The following FAM53B variants were observed in gnomAD, a reference collection of about 807,000 sequenced individuals.
The protein encoded by FAM53B is family with sequence similarity 53 member B.
FAM53B carries 12 observed loss-of-function variants against 32.7 expected under a neutral mutation model. The ratio of observed to expected loss-of-function variants is 0.37; its 90% confidence interval spans 0.24 to 0.59. The LOEUF (loss-of-function observed/expected upper bound fraction) is 0.59, where lower values mean the gene tolerates loss of function less well. Among genes scored for constraint, FAM53B ranks in the 20% least tolerant of loss-of-function variants. FAM53B has a pLI of 0.72. For synonymous variants in FAM53B, 234 were observed against 228.7 expected (o/e 1.02, Z -0.21); for missense variants, 477 against 577.7 (o/e 0.83, Z 1.79).
chr10:124,718,808 C>A (rs1488577740), intron 1 of FAM53B, among the ~76,000 whole-genome samples: 1 of 152,256 alleles, frequency 6.6e-6, no homozygotes, highest in Non-Finnish European at 1.5e-5. Context: ...TGCACTTGGG[C>A]AGGCTGACGC....
At chr10:124,686,010 G>T (rs1949800276) in intron 3 of FAM53B, among the ~76,000 whole-genome samples, 1 of 152,130 alleles carries the variant, frequency 6.6e-6, no homozygotes, top group Non-Finnish European at 1.5e-5. Context: ...TACACTCCAG[G>T]TATCAAACCT....
rs1199146660 is a variant in FAM53B, at chr10:124,744,104, G to A, written c.-266C>T. On this transcript the variant is annotated 5_prime_UTR_variant, in exon 1 of 5. Coordinates refer to ENST00000337318, the MANE Select transcript of FAM53B (RefSeq NM_014661.4). ...GGGGTGCCCGCCGCGCGTCCGCCGC[G>A]CGCACGCTCGCCTGCCGGCGCCGAG... The A allele has an allele frequency of 6.8e-6, 1 of 147,024 alleles. No homozygotes were observed. The highest frequency in any genetic ancestry group is 1.5e-5 in the Non-Finnish European group (1 of 65,994). The allele number at this position is 147,024 out of a possible 1,614,324, so 9.1% of individuals were successfully genotyped here.
Position 124,738,206 on chromosome 10 carries a change from G to A in FAM53B, c.-175+5807C>T, listed in dbSNP as rs111888790. On this transcript the variant is annotated intron_variant, in intron 1 of 4. Coordinates refer to ENST00000337318, the MANE Select transcript of FAM53B (RefSeq NM_014661.4). ...AATAGGGAAACTAAGGAACCGACCC[G>A]TAGGTATGCATGGGGTCTATTACAG... 5.9e-3 allele frequency among the ~76,000 whole-genome samples: 905 copies of A among 152,200 alleles called. 2 individuals carry two copies. The highest frequency in any genetic ancestry group is 9.7e-3 in the Non-Finnish European group (657 of 68,018).
intron 4 of FAM53B, among the ~76,000 whole-genome samples, chr10:124,624,502 C>T (rs1016007896): frequency 6.6e-6 from 1 of 152,188 alleles, no homozygotes; most frequent in African/African-American, 2.4e-5. Context: ...TCCCTGCCTG[C>T]CTTGCTGGGC....
intron 3 of FAM53B, among the ~76,000 whole-genome samples, chr10:124,686,870 C>G (rs1024490030): frequency 4.6e-5 from 7 of 152,230 alleles, no homozygotes; most frequent in African/African-American, 1.7e-4. Flanking sequence ...AGGACTGTGC[C>G]CTGAACCGTC....
chr10:124,658,584 A>G (rs771749412), intron 4 of FAM53B, among the ~76,000 whole-genome samples: 4 of 152,210 alleles, frequency 2.6e-5, no homozygotes, highest in Non-Finnish European at 4.4e-5. Context: ...ACCTTTGAGA[A>G]CCATCCATAC....
At chr10:124,639,520 G>C (rs547563516) in intron 4 of FAM53B, among the ~76,000 whole-genome samples, 2 of 152,290 alleles carry the variant, frequency 1.3e-5, no homozygotes, top group South Asian at 4.1e-4. Context: ...GGGGTCCTGG[G>C]AAGACCCAGC....
chr10:124,672,202 C>T (rs181545192), intron 4 of FAM53B, among the ~76,000 whole-genome samples: 1 of 152,268 alleles, frequency 6.6e-6, no homozygotes, highest in Non-Finnish European at 1.5e-5. Flanking sequence ...GGAAAAGGCC[C>T]GGTCAGGCAC....
chr10:124,726,282 C>T (rs1014980892), intron 1 of FAM53B, among the ~76,000 whole-genome samples: 20 of 152,162 alleles, frequency 1.3e-4, no homozygotes, highest in Non-Finnish European at 4.4e-5. Flanking sequence ...TGGCCTACTA[C>T]CCACCCCCAG....
intron 4 of FAM53B, among the ~76,000 whole-genome samples, chr10:124,628,067 C>T (rs920543059): frequency 4.6e-5 from 7 of 152,216 alleles, no homozygotes; most frequent in African/African-American, 1.4e-4. Flanking sequence ...CTCATTCCCT[C>T]TCCCAGGTGC....
chr10:124,647,714 C>T (rs927399854), intron 4 of FAM53B, among the ~76,000 whole-genome samples: 8 of 152,122 alleles, frequency 5.3e-5, no homozygotes, highest in Admixed American at 5.2e-4. Context: ...ATGTCTCCCT[C>T]GGGGTCACCC....
chr10:124,730,497 A>G (rs977908335), intron 1 of FAM53B, among the ~76,000 whole-genome samples: 2 of 152,162 alleles, frequency 1.3e-5, no homozygotes, highest in African/African-American at 4.8e-5. Flanking sequence ...CTAATTTTCA[A>G]TTCTGTGTTT....
At chr10:124,692,838 G>T (rs1949843225) in intron 3 of FAM53B, among the ~76,000 whole-genome samples, 1 of 151,630 alleles carries the variant, frequency 6.6e-6, no homozygotes, top group Non-Finnish European at 1.5e-5. Context: ...TTTAAAAAGT[G>T]ACCAGGGTGC....
At chr10:124,630,420 A>T (rs1949383048) in intron 4 of FAM53B, among the ~76,000 whole-genome samples, 2 of 152,200 alleles carry the variant, frequency 1.3e-5, no homozygotes, top group Non-Finnish European at 2.9e-5. Flanking sequence ...CTCTCCAAAA[A>T]AAGAAAAGCG....
chr10:124,659,436 G>C (rs1210695589), intron 4 of FAM53B, among the ~76,000 whole-genome samples: 2 of 152,232 alleles, frequency 1.3e-5, no homozygotes, highest in African/African-American at 2.4e-5. Context: ...AAGTGGTCTT[G>C]GTTACAGTAA....
At chr10:124,724,344 C>T (rs1021127387) in intron 1 of FAM53B, among the ~76,000 whole-genome samples, 18 of 152,144 alleles carry the variant, frequency 1.2e-4, no homozygotes, top group Non-Finnish European at 2.4e-4. Context: ...CCTCAGGATG[C>T]CCAGACAGGT....
chr10:124,739,280 T>C (rs555974972), intron 1 of FAM53B, among the ~76,000 whole-genome samples: 3 of 152,364 alleles, frequency 2.0e-5, no homozygotes, highest in South Asian at 2.1e-4. Context: ...CTTCCGGCTA[T>C]GTGGCCTTGG....
At chr10:124,679,247 C>A (rs1949754111) in intron 4 of FAM53B, among the ~76,000 whole-genome samples, 1 of 152,154 alleles carries the variant, frequency 6.6e-6, no homozygotes, top group Admixed American at 6.5e-5. Context: ...AGACCCCAAC[C>A]CCTTCTCAGT....
intron 3 of FAM53B, among the ~76,000 whole-genome samples, chr10:124,683,923 CTTGA>C (rs941369175): frequency 1.6e-4 from 24 of 152,364 alleles, no homozygotes; most frequent in African/African-American, 5.1e-4. Flanking sequence ...GCAGCAGCTA[CTTGA>C]TTGACTCAAC....
Sources: allele counts gnomAD v4.1 joint callset (sites outside exome capture counted in the v4.1 genomes callset), GRCh38; gene constraint gnomAD v4.1.1; transcripts MANE v1.5; gene names NCBI Gene and HGNC (gene_info 2026-07-23, HGNC 2026-07-21).